PREX1: variants seen among roughly 807,000 people sequenced by gnomAD.
PREX1 encodes phosphatidylinositol 3,4,5-trisphosphate-dependent Rac exchanger 1 protein.
PREX1 carries 41 observed loss-of-function variants against 198.3 expected under a neutral mutation model. That is an observed-to-expected ratio of 0.21 (90% confidence interval 0.16 to 0.27). The LOEUF is 0.27. Ranked by LOEUF, PREX1 falls within the 10% of genes least tolerant of loss-of-function variation. The probability of loss-of-function intolerance (pLI) is 1.00; values close to 1 mark genes in which losing one functional copy is unlikely to be tolerated. For synonymous variants in PREX1, 843 were observed against 887.2 expected, an observed-to-expected ratio of 0.95 and a Z score of 0.89; for missense variants, 1,620 against 2,200.7, an observed-to-expected ratio of 0.74 and a Z score of 5.28.
intron 1 of PREX1, among the ~76,000 whole-genome samples, chr20:48,798,666 T>C (rs2090373252): frequency 6.6e-6 from 1 of 152,230 alleles, no homozygotes; most frequent in African/African-American, 2.4e-5. Context: ...CAGATTCTGC[T>C]GCGGTGGATG....
chr20:48,765,639 G>A (rs1421765673), intron 1 of PREX1, among the ~76,000 whole-genome samples: 1 of 152,208 alleles, frequency 6.6e-6, no homozygotes, highest in Non-Finnish European at 1.5e-5. Context: ...GGAGGACGGA[G>A]CCAGACCTAA....
intron 16 of PREX1, among the ~76,000 whole-genome samples, chr20:48,659,393 A>AT (rs2122934436): frequency 6.6e-6 from 1 of 150,874 alleles, no homozygotes; most frequent in African/African-American, 2.4e-5. Flanking sequence ...GAGAGGTTTA[A>AT]TTTTATCCTA....
chr20:48,869,285 TTG>T, the PREX1 span, among the ~76,000 whole-genome samples: 5 of 137,790 alleles, frequency 3.6e-5, no homozygotes, highest in East Asian at 2.1e-4. Flanking sequence ...TTTTTTTGTT[TTG>T]TTTTGTTTTT....
At chr20:48,828,176 C>G (rs1311936247), upstream of PREX1, among the ~76,000 whole-genome samples, 3 of 150,774 alleles carry the variant, frequency 2.0e-5, no homozygotes, top group African/African-American at 7.3e-5. Flanking sequence ...CACGGGGCCC[C>G]TGGGGACGCG....
At chr20:48,697,317 C>T (rs1299483317) in intron 7 of PREX1, among the ~76,000 whole-genome samples, 1 of 152,074 alleles carries the variant, frequency 6.6e-6, no homozygotes, top group Non-Finnish European at 1.5e-5. Context: ...CAGGCGCAAA[C>T]AGCTGACATA....
chr20:48,679,499 A>T, intron 12 of PREX1, 90 bp from the exon 13 acceptor site: 5 of 1,466,350 alleles, frequency 3.4e-6, no homozygotes, highest in Non-Finnish European at 4.8e-6. Flanking sequence ...GGCTTCCAGG[A>T]CGGGGCAGGG....
rs1218728444 is a variant in PREX1, at chr20:48,625,132, T to C, written c.*753A>G. On this transcript the variant is annotated 3_prime_UTR_variant, in exon 40 of 40. Coordinates refer to ENST00000371941, the MANE Select transcript of PREX1 (RefSeq NM_020820.4). ...TTGGTCCCCTGTTAGACAACATACC[T>C]TTCTTTGAAATGTAAAATGTCAAAT... The C allele has an allele frequency of 6.6e-6, 1 of 152,654 alleles. No homozygotes were observed. Among genetic ancestry groups the C allele is most frequent in the African/African-American group, 2.4e-5 (1 of 41,460 alleles). 9.5% of individuals were successfully genotyped at this position (152,654 alleles called of 1,614,324 possible). A position where few individuals can be genotyped will look rare whatever the true frequency, so the allele number is the denominator to read the frequency against.
upstream of PREX1, among the ~76,000 whole-genome samples, chr20:48,828,200 C>T (rs1261202915): frequency 6.6e-6 from 1 of 151,072 alleles, no homozygotes; most frequent in African/African-American, 2.4e-5. Context: ...CGGCGCTCGG[C>T]GCCTCCGTCG....
chr20:48,759,366 A>G (rs1327086832), intron 1 of PREX1, among the ~76,000 whole-genome samples: 1 of 152,032 alleles, frequency 6.6e-6, no homozygotes, highest in East Asian at 1.9e-4. Context: ...CCTGACCAAC[A>G]TAGTGAAACC....
Position 48,632,633 on chromosome 20 carries a change from T to C in PREX1, c.4274A>G (p.Asn1425Ser), listed in dbSNP as rs769616289. 2.2e-5 allele frequency: 35 copies of C among 1,613,308 alleles called. No individual in the cohort carries two copies. The highest frequency in any genetic ancestry group is 6.7e-5 in the African/African-American group (5 of 74,812). ...QLDENYVANTNVFYHIEGSRQ... is the reference protein window; with the variant it reads ...QLDENYVANTSVFYHIEGSRQ... Reference sequence around the variant, plus strand: ...GCTGCCCTCAATGTGGTAGAAGACGTTGGTGTCTGCGGAAGGATATGGGGC... The same window carrying C: ...GCTGCCCTCAATGTGGTAGAAGACGCTGGTGTCTGCGGAAGGATATGGGGC... Residue 1425 changes from asparagine to serine, a missense_variant, in exon 34 of 40, where the codon AAC becomes AGC. By Grantham distance (46) the Asn-to-Ser change is conservative. Around this residue, in one of 7 missense-constraint regions of PREX1, gnomAD observed 476 missense variants for 603.4 expected, o/e 0.79. Transcript: ENST00000371941.
intron 5 of PREX1, among the ~76,000 whole-genome samples, chr20:48,725,576 T>A (rs2090006138): frequency 6.6e-6 from 1 of 152,242 alleles, no homozygotes; most frequent in Non-Finnish European, 1.5e-5. Context: ...TCACCCTGCC[T>A]TCCACAAACA....
At chr20:48,688,147 A>G (rs1184675942) in intron 10 of PREX1, among the ~76,000 whole-genome samples, 5 of 151,908 alleles carry the variant, frequency 3.3e-5, no homozygotes, top group Admixed American at 2.6e-4. Context: ...CCCTTAAAAC[A>G]CCTTTGTAAT....
the PREX1 span, among the ~76,000 whole-genome samples, chr20:48,857,220 A>G: frequency 6.6e-6 from 1 of 152,232 alleles, no homozygotes; most frequent in Non-Finnish European, 1.5e-5. Flanking sequence ...CCCTTTCCAC[A>G]GATGAGGAAA....
chr20:48,766,290 G>T (rs2090207736), intron 1 of PREX1, among the ~76,000 whole-genome samples: 1 of 152,102 alleles, frequency 6.6e-6, no homozygotes, highest in South Asian at 2.1e-4. Context: ...TGCCAAAACG[G>T]CTGGGGACCA....
intron 33 of PREX1, among the ~76,000 whole-genome samples, chr20:48,634,068 A>G (rs73138145): frequency 0.22 from 30,603 of 138,062 alleles, 3,086 homozygotes; most frequent in Middle Eastern, 0.28. Context: ...GATGAGTGGG[A>G]TGGATGGATG....
chr20:48,881,518 A>G, the PREX1 span, among the ~76,000 whole-genome samples: 1 of 147,594 alleles, frequency 6.8e-6, no homozygotes, highest in African/African-American at 2.5e-5. Context: ...ACAGGGTCTC[A>G]CTCTGTCACC....
intron 5 of PREX1, among the ~76,000 whole-genome samples, chr20:48,711,502 C>T (rs1016602986): frequency 9.2e-5 from 14 of 152,098 alleles, no homozygotes; most frequent in Non-Finnish European, 1.2e-4. Flanking sequence ...GTGAGACCCC[C>T]GCCCCAGGTT....
intron 1 of PREX1, among the ~76,000 whole-genome samples, chr20:48,815,113 A>C (rs1292184439): frequency 6.6e-6 from 1 of 152,234 alleles, no homozygotes; most frequent in Non-Finnish European, 1.5e-5. Flanking sequence ...TATTTCCAGC[A>C]AGAGAACTTT....
intron 15 of PREX1, among the ~76,000 whole-genome samples, chr20:48,664,631 C>T (rs990242668): frequency 6.6e-5 from 10 of 152,230 alleles, no homozygotes; most frequent in Admixed American, 2.0e-4. Flanking sequence ...GTTGAAAGGA[C>T]AGGAAACTCA....
Sources: allele counts gnomAD v4.1 joint callset (sites outside exome capture counted in the v4.1 genomes callset), GRCh38; gene constraint gnomAD v4.1.1; regional missense constraint gnomAD v4.1.1; transcripts MANE v1.5; gene names NCBI Gene and HGNC (gene_info 2026-07-23, HGNC 2026-07-21).